Variants in LINGO2 observed in about 807,000 individuals in gnomAD.
LINGO2 encodes leucine-rich repeat and immunoglobulin-like domain-containing nogo receptor-interacting protein 2.
A neutral mutation model predicts 30.6 loss-of-function variants in LINGO2; 14 were observed. The observed-to-expected ratio is 0.46, with a 90% CI of 0.30 to 0.72. LINGO2 has a LOEUF of 0.72. Ranked by LOEUF, LINGO2 falls within the 30% of genes least tolerant of loss-of-function variation. The probability of loss-of-function intolerance (pLI) is 0.07; values close to 1 mark genes in which losing one functional copy is unlikely to be tolerated. For missense variants in LINGO2, 729 were observed against 751.7 expected (o/e 0.97, Z 0.35); for synonymous variants, 317 against 288.5 (o/e 1.10, Z -1.00).
At chr9:29,062,642 A>G in the LINGO2 span, among the ~76,000 whole-genome samples, 22 of 152,160 alleles carry the variant, frequency 1.4e-4, no homozygotes, top group Non-Finnish European at 2.2e-4. Context: ...AGTCAAATCC[A>G]TAAAGAAAAA....
At chr9:28,382,308 G>C (rs1587582256) in intron 2 of LINGO2, among the ~76,000 whole-genome samples, 1 of 152,014 alleles carries the variant, frequency 6.6e-6, no homozygotes, top group Non-Finnish European at 1.5e-5. Context: ...CAAATGTCTA[G>C]AATTCAGATA....
intron 4 of LINGO2, among the ~76,000 whole-genome samples, chr9:28,265,499 A>G (rs1822716942): frequency 6.6e-6 from 1 of 152,042 alleles, no homozygotes; most frequent in South Asian, 2.1e-4. Flanking sequence ...GATTAGATAA[A>G]AGTAGAATAG....
chr9:28,334,571 T>C (rs1000275966), intron 3 of LINGO2, among the ~76,000 whole-genome samples: 2 of 152,128 alleles, frequency 1.3e-5, no homozygotes, highest in African/African-American at 4.8e-5. Flanking sequence ...GCCTGGTATG[T>C]AGTACATTTT....
chr9:28,406,334 G>A (rs57939951), intron 2 of LINGO2, among the ~76,000 whole-genome samples: 139,691 of 151,838 alleles, frequency 0.92, 64,389 homozygotes, highest in East Asian at 1. Flanking sequence ...TACTTGGGAG[G>A]CTGAGGCAGA....
chr9:29,190,891 T>C, the LINGO2 span, among the ~76,000 whole-genome samples: 1 of 152,196 alleles, frequency 6.6e-6, no homozygotes, highest in African/African-American at 2.4e-5. Context: ...GTGCTAATCA[T>C]AGGTGTATTG....
chr9:28,680,098 T>G, the LINGO2 span, among the ~76,000 whole-genome samples: 1 of 152,058 alleles, frequency 6.6e-6, no homozygotes, highest in Non-Finnish European at 1.5e-5. Flanking sequence ...CCTACCTAAC[T>G]GAAATCTAGT....
intron 3 of LINGO2, among the ~76,000 whole-genome samples, chr9:28,306,295 G>C (rs1160346034): frequency 6.6e-6 from 1 of 152,056 alleles, no homozygotes; most frequent in Non-Finnish European, 1.5e-5. Flanking sequence ...AAAAGGAAAG[G>C]AAAGAAGGAT....
rs577738391 is a variant in LINGO2, at chr9:28,157,095, G to A, written c.-87+138113C>T. 1.2e-4 allele frequency among the ~76,000 whole-genome samples: 19 copies of A among 152,322 alleles called. No homozygotes were observed. In the East Asian group the frequency reaches 3.7e-3, roughly 30 times the overall value. On this transcript the variant is annotated intron_variant, in intron 4 of 5. Transcript: ENST00000379992. ...TAGGTGGTGCCCCAATAGGGAATCTGTGTGGGGTCTTCAACCCCACATTTC... is the reference window on the plus strand; with the variant it reads ...TAGGTGGTGCCCCAATAGGGAATCTATGTGGGGTCTTCAACCCCACATTTC...
At chr9:28,088,246 G>A (rs1033905828) in intron 4 of LINGO2, among the ~76,000 whole-genome samples, 2 of 150,060 alleles carry the variant, frequency 1.3e-5, no homozygotes, top group African/African-American at 4.9e-5. Flanking sequence ...ACATATAATG[G>A]TTTAGTACAA....
chr9:28,086,374 C>T lies in LINGO2; in HGVS notation c.-86-73969G>A, dbSNP rs10968336. ...TTTCATTGTTCTCCATTCAAAGCCG[C>T]AAGTACAGAGATATAATCTTTACAA... On this transcript the variant is annotated intron_variant, in intron 4 of 5. Transcript: ENST00000379992. 1.9e-3 allele frequency among the ~76,000 whole-genome samples: 290 copies of T among 152,138 alleles called. 5 individuals carry two copies. In the East Asian group the frequency reaches 0.049, roughly 25 times the overall value.
intron 4 of LINGO2, among the ~76,000 whole-genome samples, chr9:28,177,185 C>T (rs115113611): frequency 6.6e-6 from 1 of 152,120 alleles, no homozygotes; most frequent in Non-Finnish European, 1.5e-5. Context: ...CTATGCTGTA[C>T]ATTTGGATAA....
At chr9:28,682,230 A>G in the LINGO2 span, among the ~76,000 whole-genome samples, 2 of 152,172 alleles carry the variant, frequency 1.3e-5, no homozygotes, top group Non-Finnish European at 2.9e-5. Context: ...TGAACACTGG[A>G]GCATTACTGA....
At chr9:28,277,239 A>G (rs1447806832) in intron 4 of LINGO2, among the ~76,000 whole-genome samples, 1 of 152,068 alleles carries the variant, frequency 6.6e-6, no homozygotes, top group Non-Finnish European at 1.5e-5. Context: ...TATATCTGTA[A>G]CAGTGATCTG....
chr9:28,604,986 A>G (rs1286417455), intron 1 of LINGO2, among the ~76,000 whole-genome samples: 2 of 152,014 alleles, frequency 1.3e-5, no homozygotes, highest in Non-Finnish European at 2.9e-5. Flanking sequence ...GATATGCTAA[A>G]TAAGGAGTGG....
At chr9:28,244,174 C>T (rs1045851094) in intron 4 of LINGO2, among the ~76,000 whole-genome samples, 1 of 152,174 alleles carries the variant, frequency 6.6e-6, no homozygotes, top group Non-Finnish European at 1.5e-5. Flanking sequence ...AAGAAACTCA[C>T]TGAAAACCAC....
chr9:28,378,403 A>T (rs956075609), intron 2 of LINGO2, among the ~76,000 whole-genome samples: 1 of 152,190 alleles, frequency 6.6e-6, no homozygotes, highest in Non-Finnish European at 1.5e-5. Flanking sequence ...CTGGGATAGG[A>T]AACTCCCCAT....
intron 1 of LINGO2, among the ~76,000 whole-genome samples, chr9:28,585,409 T>G (rs1824480408): frequency 6.6e-6 from 1 of 152,018 alleles, no homozygotes; most frequent in Non-Finnish European, 1.5e-5. Context: ...TAGGGAAGAT[T>G]ATTAATCCAG....
intron 1 of LINGO2, among the ~76,000 whole-genome samples, chr9:28,584,573 G>A (rs7855025): frequency 0.58 from 88,171 of 151,764 alleles, 26,091 homozygotes; most frequent in East Asian, 0.69. Flanking sequence ...TCCCTGTGTC[G>A]AAATAAATAC....
chr9:29,166,091 T>C, the LINGO2 span, among the ~76,000 whole-genome samples: 2 of 152,128 alleles, frequency 1.3e-5, no homozygotes, highest in Admixed American at 6.6e-5. Flanking sequence ...CAAATAGAGC[T>C]AGGAATTTGG....
Sources: allele counts gnomAD v4.1 joint callset (sites outside exome capture counted in the v4.1 genomes callset), GRCh38; gene constraint gnomAD v4.1.1; transcripts MANE v1.5; gene names NCBI Gene and HGNC (gene_info 2026-07-23, HGNC 2026-07-21).